The following KCNMA1 variants were observed in gnomAD, a reference collection of about 807,000 sequenced individuals.
KCNMA1 encodes Calcium-activated potassium channel subunit alpha-1.
In KCNMA1, 29 loss-of-function variants were observed where a neutral mutation model predicts 140.0. The observed-to-expected ratio is 0.21, with a 90% CI of 0.15 to 0.28. The LOEUF (loss-of-function observed/expected upper bound fraction) is 0.28, where lower values mean the gene tolerates loss of function less well. KCNMA1 is among the 10% of genes least tolerant of loss of function. The pLI, the probability that KCNMA1 is intolerant of heterozygous loss-of-function variation, is 1.00. For missense variants in KCNMA1, 880 were observed against 1,602.2 expected (o/e 0.55, Z 7.70); for synonymous variants, 612 against 611.9 (o/e 1.00, Z 0.00).
intron 1 of KCNMA1, among the ~76,000 whole-genome samples, chr10:77,430,822 C>T (rs528535631): frequency 9.2e-5 from 14 of 152,218 alleles, no homozygotes; most frequent in Non-Finnish European, 1.8e-4. Context: ...TGTATTGTGG[C>T]GAGCACAGAG....
chr10:77,356,174 C>T (rs1005363629), intron 2 of KCNMA1, among the ~76,000 whole-genome samples: 2 of 152,288 alleles, frequency 1.3e-5, no homozygotes, highest in East Asian at 3.9e-4. Flanking sequence ...AGCACAAGCA[C>T]ATAGATGCTG....
chr10:77,327,333 G>C (rs1331658489), intron 2 of KCNMA1, among the ~76,000 whole-genome samples: 1 of 151,414 alleles, frequency 6.6e-6, no homozygotes. Context: ...CCATATCTTT[G>C]CTGCTGTTTT....
intron 2 of KCNMA1, among the ~76,000 whole-genome samples, chr10:77,388,203 C>A (rs2095685733): frequency 6.6e-6 from 1 of 152,196 alleles, no homozygotes; most frequent in Non-Finnish European, 1.5e-5. Flanking sequence ...GTCTTAGCAG[C>A]CAAGGCTGTG....
chr10:77,036,004 T>A (rs1225457521), intron 15 of KCNMA1, among the ~76,000 whole-genome samples: 1 of 152,166 alleles, frequency 6.6e-6, no homozygotes, highest in Non-Finnish European at 1.5e-5. Flanking sequence ...CTGGGAGAAG[T>A]AGATCCACCC....
intron 1 of KCNMA1, among the ~76,000 whole-genome samples, chr10:77,507,944 C>T (rs1195501032): frequency 6.6e-6 from 1 of 152,154 alleles, no homozygotes; most frequent in Non-Finnish European, 1.5e-5. Context: ...CAACCTGAAA[C>T]ACTGAAAAAC....
chr10:77,466,248 T>C (rs1603626471), intron 1 of KCNMA1, among the ~76,000 whole-genome samples: 1 of 152,182 alleles, frequency 6.6e-6, no homozygotes, highest in Non-Finnish European at 1.5e-5. Context: ...AAGCTCCCTG[T>C]GGGCAGGGGA....
At position 77,637,434 on chromosome 10, in the gene KCNMA1, A is replaced by T; in HGVS notation, c.209T>A (p.Ile70Asn). 1 of 1,613,652 alleles carries T rather than the reference A, an allele frequency of 6.2e-7. No homozygotes were observed. The highest frequency in any genetic ancestry group is 8.5e-7 in the Non-Finnish European group (1 of 1,179,850). Reference protein sequence around the residue: ...SVHEPKMDALIIPVTMEVPCD... With the variant: ...SVHEPKMDALNIPVTMEVPCD... Reference sequence around the variant, plus strand: ...CGGCACCTCCATGGTCACCGGGATGATGAGCGCATCCATCTTGGGCTCGTG... The same window carrying T: ...CGGCACCTCCATGGTCACCGGGATGTTGAGCGCATCCATCTTGGGCTCGTG... Residue 70 changes from isoleucine to asparagine, a missense_variant, in exon 1 of 28, where the codon ATC becomes AAC. Around this residue, in one of 13 missense-constraint regions of KCNMA1, gnomAD observed 31 missense variants for 75.0 expected, o/e 0.41. Coordinates refer to ENST00000286628, the MANE Select transcript of KCNMA1 (RefSeq NM_001161352.2).
chr10:77,580,890 T>C (rs2075683655), intron 1 of KCNMA1, among the ~76,000 whole-genome samples: 3 of 152,228 alleles, frequency 2.0e-5, no homozygotes, highest in South Asian at 4.1e-4. Context: ...ATACTTTATA[T>C]GCATTATTAT....
chr10:77,310,722 CG>C (rs1565896054), intron 2 of KCNMA1, among the ~76,000 whole-genome samples: 1 of 152,130 alleles, frequency 6.6e-6, no homozygotes, highest in Non-Finnish European at 1.5e-5. Flanking sequence ...AACAAGTTGT[CG>C]TGGCAGCTTA....
chr10:77,465,871 A>G (rs2097991802), intron 1 of KCNMA1, among the ~76,000 whole-genome samples: 1 of 152,132 alleles, frequency 6.6e-6, no homozygotes, highest in Non-Finnish European at 1.5e-5. Flanking sequence ...TAGATGTGTG[A>G]CGCTTCCCGG....
rs988283439 is a variant in KCNMA1 at position 77,619,155 on chromosome 10, T to A, written c.378+18110A>T. Among the ~76,000 whole-genome samples, 4 of 152,318 alleles carry A rather than the reference T, an allele frequency of 2.6e-5. No homozygotes were observed. The East Asian group carries it at 7.7e-4, about 29-fold the overall frequency. Reference sequence around the variant, plus strand: ...CCCAAAATGTAGTGGCTTAAAACAATCATTTCATTTTGTTTATGACTTTTA... The same window carrying A: ...CCCAAAATGTAGTGGCTTAAAACAAACATTTCATTTTGTTTATGACTTTTA... On this transcript the variant is annotated intron_variant, in intron 1 of 27. Transcript: ENST00000286628.
rs954831627 is a variant in KCNMA1, at chr10:76,885,217, T to TTA, written c.*2047_*2048dup. 61 of 504,196 alleles carry TTA rather than the reference T, an allele frequency of 1.2e-4. No individual in the cohort carries two copies. Among genetic ancestry groups the TTA allele is most frequent in the South Asian group, 1.1e-3 (13 of 11,374 alleles). 31.2% of individuals were successfully genotyped at this position (504,196 alleles called of 1,614,324 possible). On this transcript the variant is annotated 3_prime_UTR_variant, in exon 28 of 28. Transcript: ENST00000286628. ...TACATATATATAGTTATATATATAG[T>TTA]TATATATATATAATTATATAGTTAT...
intron 2 of KCNMA1, among the ~76,000 whole-genome samples, chr10:77,346,165 G>A (rs922287584): frequency 1.4e-4 from 21 of 152,262 alleles, no homozygotes; most frequent in African/African-American, 5.1e-4. Flanking sequence ...CTGAATTGTG[G>A]AACTTCACAG....
At chr10:77,526,577 A>C (rs2055767723) in intron 1 of KCNMA1, among the ~76,000 whole-genome samples, 1 of 152,168 alleles carries the variant, frequency 6.6e-6, no homozygotes, top group African/African-American at 2.4e-5. Flanking sequence ...GATCATTCCT[A>C]CAAGAAATGG....
chr10:77,491,103 A>G (rs1196796694), intron 1 of KCNMA1, among the ~76,000 whole-genome samples: 2 of 152,138 alleles, frequency 1.3e-5, no homozygotes, highest in African/African-American at 4.8e-5. Flanking sequence ...AAGAAAACCA[A>G]CGCTGGCTCT....
At chr10:77,482,489 G>T (rs936073248) in intron 1 of KCNMA1, among the ~76,000 whole-genome samples, 1 of 152,194 alleles carries the variant, frequency 6.6e-6, no homozygotes, top group East Asian at 1.9e-4. Flanking sequence ...CTCTGACCAC[G>T]CAGCAGAAAC....
chr10:77,366,913 A>G (rs2094399669), intron 2 of KCNMA1, among the ~76,000 whole-genome samples: 1 of 152,194 alleles, frequency 6.6e-6, no homozygotes, highest in African/African-American at 2.4e-5. Flanking sequence ...CTATAAAGTC[A>G]GTTTGTCTTC....
chr10:77,293,015 C>T (rs1373540919), intron 2 of KCNMA1, among the ~76,000 whole-genome samples: 1 of 152,114 alleles, frequency 6.6e-6, no homozygotes, highest in African/African-American at 2.4e-5. Flanking sequence ...ATGGATCTAC[C>T]TTTGAAAGGC....
At chr10:77,303,841 T>C (rs552902782) in intron 2 of KCNMA1, among the ~76,000 whole-genome samples, 1 of 152,236 alleles carries the variant, frequency 6.6e-6, no homozygotes, top group Non-Finnish European at 1.5e-5. Context: ...TTTCTCTTTA[T>C]CAGCAATGAA....
Sources: gnomAD v4.1 joint callset for allele counts (sites outside exome capture counted in the v4.1 genomes callset) on GRCh38, gnomAD v4.1.1 for gene constraint, gnomAD v4.1.1 regional missense constraint, MANE v1.5 for transcripts, NCBI Gene and HGNC (gene_info 2026-07-23, HGNC 2026-07-21) for gene names.